CHD9: variants seen among roughly 807,000 people sequenced by gnomAD.
The protein encoded by CHD9 is chromodomain helicase DNA binding protein 9.
A neutral mutation model predicts 316.1 loss-of-function variants in CHD9; 77 were observed. The ratio of observed to expected loss-of-function variants is 0.24; its 90% CI spans 0.20 to 0.29. The LOEUF (loss-of-function observed/expected upper bound fraction) is 0.29, where lower values mean the gene tolerates loss of function less well. Among genes scored for constraint, CHD9 ranks in the 10% least tolerant of loss-of-function variants. The probability of loss-of-function intolerance (pLI) is 1.00; values close to 1 mark genes in which losing one functional copy is unlikely to be tolerated. For synonymous variants in CHD9, 1,129 were observed against 1,158.3 expected, an observed-to-expected ratio of 0.97 and a Z score of 0.51; for missense variants, 2,763 against 3,438.1, an observed-to-expected ratio of 0.80 and a Z score of 4.91.
chr16:53,177,870 C>T (rs146855873), intron 2 of CHD9, among the ~76,000 whole-genome samples: 1 of 152,220 alleles, frequency 6.6e-6, no homozygotes, highest in African/African-American at 2.4e-5. Flanking sequence ...GGCTATTCTA[C>T]TCTATTCTAC....
chr16:53,300,413 A>G (rs2055267060), intron 30 of CHD9, among the ~76,000 whole-genome samples: 1 of 148,188 alleles, frequency 6.7e-6, no homozygotes. Flanking sequence ...ACTGATGGAT[A>G]CAAAATGCTA....
intron 26 of CHD9, 63 bp from the exon 27 acceptor site, chr16:53,287,894 G>T: frequency 1.5e-6 from 2 of 1,300,692 alleles, no homozygotes; most frequent in Non-Finnish European, 2.2e-6. Context: ...ACAAGACTTT[G>T]TCCTATCAAG....
At chr16:53,097,539 A>G (rs541538558) in intron 1 of CHD9, among the ~76,000 whole-genome samples, 1 of 152,280 alleles carries the variant, frequency 6.6e-6, no homozygotes, top group Non-Finnish European at 1.5e-5. Flanking sequence ...CACTGGGATT[A>G]CAGGCATGAG....
At chr16:53,243,763 A>T (rs1397168321) in intron 13 of CHD9, among the ~76,000 whole-genome samples, 2 of 152,210 alleles carry the variant, frequency 1.3e-5, no homozygotes, top group Non-Finnish European at 2.9e-5. Flanking sequence ...TAATAGTGGG[A>T]TTTCTTATAG....
intron 10 of CHD9, among the ~76,000 whole-genome samples, chr16:53,234,904 C>T (rs755267925): frequency 3.3e-5 from 5 of 151,296 alleles, no homozygotes; most frequent in Non-Finnish European, 7.4e-5. Context: ...TGAATATTTG[C>T]ATCTTTGTTC....
intron 1 of CHD9, among the ~76,000 whole-genome samples, chr16:53,111,601 A>C (rs2037871388): frequency 6.6e-6 from 1 of 152,216 alleles, no homozygotes. Context: ...AGGCTGATGA[A>C]ATGAACAAGT....
intron 30 of CHD9, among the ~76,000 whole-genome samples, chr16:53,297,769 T>C (rs1378644938): frequency 6.6e-6 from 1 of 152,252 alleles, no homozygotes; most frequent in East Asian, 1.9e-4. Context: ...GATTTCTCAC[T>C]GCTAAACCCA....
chr16:53,198,621 C>T lies in CHD9; in HGVS notation c.1453-10861C>T, dbSNP rs534998860. On this transcript the variant is annotated intron_variant, in intron 2 of 38. Transcript: ENST00000447540. ...GATTACAGGCGTGAGCCACCACACCCGGCCTCAATATTTGTTTAAAGAATT... is the reference window on the plus strand; with the variant it reads ...GATTACAGGCGTGAGCCACCACACCTGGCCTCAATATTTGTTTAAAGAATT... Among the ~76,000 whole-genome samples, 3 of 152,286 alleles carry T rather than the reference C, an allele frequency of 2.0e-5. No homozygotes were observed. The East Asian group carries it at 5.8e-4, about 29-fold the overall frequency.
At chr16:53,182,528 G>C (rs1440437181) in intron 2 of CHD9, among the ~76,000 whole-genome samples, 1 of 152,158 alleles carries the variant, frequency 6.6e-6, no homozygotes, top group Non-Finnish European at 1.5e-5. Flanking sequence ...TGGAAAAAGA[G>C]TATGATAAGG....
intron 1 of CHD9, among the ~76,000 whole-genome samples, chr16:53,124,614 G>A (rs60551842): frequency 6.6e-6 from 1 of 151,774 alleles, no homozygotes; most frequent in Non-Finnish European, 1.5e-5. Context: ...AAGTAGCTGA[G>A]ATTACAGGTG....
At chr16:53,235,816 G>A (rs2152934522) in intron 11 of CHD9, among the ~76,000 whole-genome samples, 1 of 152,148 alleles carries the variant, frequency 6.6e-6, no homozygotes, top group Non-Finnish European at 1.5e-5. Context: ...ATGCCTTATA[G>A]AATATCTTAC....
At chr16:53,182,565 A>G (rs1231831614) in intron 2 of CHD9, among the ~76,000 whole-genome samples, 1 of 152,162 alleles carries the variant, frequency 6.6e-6, no homozygotes, top group East Asian at 1.9e-4. Flanking sequence ...ATTTGATACA[A>G]AAGTATCTTG....
At chr16:53,106,053 C>CA (rs2037321964) in intron 1 of CHD9, among the ~76,000 whole-genome samples, 1 of 152,106 alleles carries the variant, frequency 6.6e-6, no homozygotes, top group Non-Finnish European at 1.5e-5. Context: ...CTCCTGACCT[C>CA]AAGTGATCTG....
At chr16:53,152,082 A>G (rs2041168117) in intron 1 of CHD9, among the ~76,000 whole-genome samples, 1 of 152,068 alleles carries the variant, frequency 6.6e-6, no homozygotes, top group East Asian at 1.9e-4. Flanking sequence ...TGCTAACTTC[A>G]GAAATAAGAT....
chr16:53,072,164 C>T (rs911337385), intron 1 of CHD9, among the ~76,000 whole-genome samples: 2 of 152,054 alleles, frequency 1.3e-5, no homozygotes, highest in Non-Finnish European at 2.9e-5. Context: ...TGTCTTATCC[C>T]CAGCCGGAAG....
chr16:53,219,316 A>G (rs1011359372), intron 3 of CHD9, among the ~76,000 whole-genome samples: 56 of 152,182 alleles, frequency 3.7e-4, no homozygotes, highest in African/African-American at 1.3e-3. Flanking sequence ...TGGGGAAAAA[A>G]TCTGAAATAG....
rs2047611725 is a variant in CHD9, at chr16:53,225,873, A to G, written c.1897-493A>G. ...ATACCCCCAATTAATTCTATACCCAATATTCATCTGATACACTTTTTAGGT... is the reference window on the plus strand; with the variant it reads ...ATACCCCCAATTAATTCTATACCCAGTATTCATCTGATACACTTTTTAGGT... On this transcript the variant is annotated intron_variant, in intron 4 of 38. Coordinates refer to ENST00000447540, the MANE Select transcript of CHD9 (RefSeq NM_001308319.2). 2.0e-5 allele frequency among the ~76,000 whole-genome samples: 3 copies of G among 152,150 alleles called. No individual in the cohort carries two copies. In the South Asian group the frequency reaches 6.2e-4, roughly 31 times the overall value.
chr16:53,258,739 A>G (rs2050819082), intron 19 of CHD9, among the ~76,000 whole-genome samples: 1 of 152,178 alleles, frequency 6.6e-6, no homozygotes, highest in South Asian at 2.1e-4. Flanking sequence ...GATAGAACTC[A>G]TTATTGGTAA....
chr16:53,059,068 T>C (rs11645276), intron 1 of CHD9, among the ~76,000 whole-genome samples: 42,929 of 152,084 alleles, frequency 0.28, 7,389 homozygotes, highest in Non-Finnish European at 0.39. Context: ...CTCCAACTCC[T>C]AGACTCAAGT....
Sources: allele counts gnomAD v4.1 joint callset (sites outside exome capture counted in the v4.1 genomes callset), GRCh38; gene constraint gnomAD v4.1.1; transcripts MANE v1.5; gene names NCBI Gene and HGNC (gene_info 2026-07-23, HGNC 2026-07-21).